The following CHODL variants were observed in gnomAD, a reference collection of about 807,000 sequenced individuals.
CHODL encodes transmembrane protein MT75.
Under a neutral mutation model 34.5 loss-of-function variants are expected in CHODL, and 29 were observed. That is an observed-to-expected ratio of 0.84 (90% CI 0.63 to 1.15). The LOEUF is 1.15. CHODL is among the 50% of genes most tolerant of loss of function. CHODL has a pLI of 0.00. For missense variants in CHODL, 332 were observed against 332.5 expected, an observed-to-expected ratio of 1.00 and a Z score of 0.01; for synonymous variants, 125 against 116.1, an observed-to-expected ratio of 1.08 and a Z score of -0.49.
At chr21:18,013,387 TTGTAC>T (rs2064037311) in intron 1 of CHODL, among the ~76,000 whole-genome samples, 5 of 147,098 alleles carry the variant, frequency 3.4e-5, no homozygotes, top group African/African-American at 1.3e-4. Context: ...AATTTCCCAA[TTGTAC>T]AGTGCTGCCA....
At chr21:18,262,422 A>G (rs2074393477) in intron 4 of CHODL, among the ~76,000 whole-genome samples, 1 of 152,158 alleles carries the variant, frequency 6.6e-6, no homozygotes, top group Non-Finnish European at 1.5e-5. Context: ...AAACCCCTGC[A>G]CCATGTTACT....
upstream of CHODL, among the ~76,000 whole-genome samples, chr21:18,242,503 T>C (rs1002056745): frequency 6.6e-6 from 1 of 150,906 alleles, no homozygotes; most frequent in Admixed American, 6.6e-5. Context: ...ACTCAGATTT[T>C]ATATTTAAGA....
intron 2 of CHODL, among the ~76,000 whole-genome samples, chr21:18,106,743 C>A (rs887907621): frequency 9.2e-5 from 14 of 152,144 alleles, no homozygotes; most frequent in Admixed American, 1.3e-4. Flanking sequence ...GATCCACCTG[C>A]CTTGGCCTCC....
intron 5 of CHODL, among the ~76,000 whole-genome samples, chr21:18,264,352 G>C (rs967811173): frequency 6.6e-6 from 1 of 152,020 alleles, no homozygotes; most frequent in Non-Finnish European, 1.5e-5. Context: ...TTTTGACAGG[G>C]CATCCAGTAG....
At chr21:17,923,462 G>T (rs372956982) in intron 1 of CHODL, among the ~76,000 whole-genome samples, 19 of 130,654 alleles carry the variant, frequency 1.5e-4, no homozygotes, top group East Asian at 2.2e-4. Context: ...TAATTCTTCA[G>T]TTTTTTTTTT....
At chr21:18,072,449 T>G (rs1298725127) in intron 2 of CHODL, among the ~76,000 whole-genome samples, 1 of 152,136 alleles carries the variant, frequency 6.6e-6, no homozygotes, top group Non-Finnish European at 1.5e-5. Flanking sequence ...GAGTTGACAT[T>G]ATCAAGTGCA....
chr21:18,051,174 G>A (rs1399360542), intron 2 of CHODL, among the ~76,000 whole-genome samples: 1 of 151,796 alleles, frequency 6.6e-6, no homozygotes, highest in African/African-American at 2.4e-5. Context: ...TGAGAACATG[G>A]CGGTGTTGGG....
chr21:18,016,848 C>T (rs2064079434), intron 1 of CHODL, among the ~76,000 whole-genome samples: 1 of 152,228 alleles, frequency 6.6e-6, no homozygotes, highest in African/African-American at 2.4e-5. Flanking sequence ...ATCAGTGTGG[C>T]TTGGATGTGA....
intron 1 of CHODL, among the ~76,000 whole-genome samples, chr21:18,002,376 C>T (rs191117871): frequency 6.6e-6 from 1 of 152,280 alleles, no homozygotes; most frequent in African/African-American, 2.4e-5. Context: ...GTTCTAATTT[C>T]CTTCCATTTT....
intron 2 of CHODL, among the ~76,000 whole-genome samples, chr21:18,138,186 C>A (rs533584001): frequency 6.6e-6 from 1 of 151,762 alleles, no homozygotes; most frequent in African/African-American, 2.4e-5. Context: ...AGGTCCAGAG[C>A]CCCTTACTCT....
chr21:18,025,203 CT>C (rs2064162770), intron 1 of CHODL, among the ~76,000 whole-genome samples: 1 of 152,074 alleles, frequency 6.6e-6, no homozygotes, highest in African/African-American at 2.4e-5. Flanking sequence ...ATTTATGTTT[CT>C]TCTAAAAAAT....
chr21:18,030,891 G>C (rs1297413361), intron 2 of CHODL, among the ~76,000 whole-genome samples: 1 of 152,106 alleles, frequency 6.6e-6, no homozygotes, highest in Non-Finnish European at 1.5e-5. Flanking sequence ...TAGCAGGGTG[G>C]CTTTTTCTAA....
At chr21:18,031,060 C>G (rs779689334) in intron 2 of CHODL, among the ~76,000 whole-genome samples, 4 of 152,112 alleles carry the variant, frequency 2.6e-5, no homozygotes, top group Non-Finnish European at 5.9e-5. Context: ...TAATTAGTTA[C>G]TAAATTAGAA....
At chr21:18,162,683 T>C (rs1048997002) in intron 2 of CHODL, among the ~76,000 whole-genome samples, 7 of 152,222 alleles carry the variant, frequency 4.6e-5, no homozygotes, top group Admixed American at 1.3e-4. Flanking sequence ...CCATAATAAC[T>C]ATTTTTAAAC....
intron 2 of CHODL, among the ~76,000 whole-genome samples, chr21:18,081,088 T>A (rs2064935806): frequency 6.6e-6 from 1 of 152,176 alleles, no homozygotes; most frequent in East Asian, 1.9e-4. Context: ...ATTTTATTTG[T>A]TTTATAACTA....
At chr21:18,137,026 A>G (rs936169622) in intron 2 of CHODL, among the ~76,000 whole-genome samples, 1 of 152,034 alleles carries the variant, frequency 6.6e-6, no homozygotes, top group Non-Finnish European at 1.5e-5. Context: ...TGCCATCCCT[A>G]ACTATTACTA....
chr21:18,031,624 G>T (rs2064249198), intron 2 of CHODL, among the ~76,000 whole-genome samples: 1 of 152,100 alleles, frequency 6.6e-6, no homozygotes, highest in Admixed American at 6.6e-5. Flanking sequence ...ACTATTAAAT[G>T]CTACAGGTAT....
chr21:18,010,118 CAAAAAAAAAAAAAA>C (rs547675850), intron 1 of CHODL, among the ~76,000 whole-genome samples: 9 of 61,234 alleles, frequency 1.5e-4, no homozygotes, highest in Non-Finnish European at 2.6e-4. Context: ...TACTAAAATA[CAAAAAAAAAAAAAA>C]AAAAAAAAAA....
chr21:17,992,337 C>T (rs2063803801), intron 1 of CHODL, among the ~76,000 whole-genome samples: 2 of 152,156 alleles, frequency 1.3e-5, no homozygotes, highest in Admixed American at 1.3e-4. Flanking sequence ...TTTTCTATTT[C>T]TATGAAGACT....
Sources: gnomAD v4.1 joint callset for allele counts (sites outside exome capture counted in the v4.1 genomes callset) on GRCh38, gnomAD v4.1.1 for gene constraint, MANE v1.5 for transcripts, NCBI Gene and HGNC (gene_info 2026-07-23, HGNC 2026-07-21) for gene names.